TENM4: variants seen among roughly 807,000 people sequenced by gnomAD.
TENM4 encodes teneurin transmembrane protein 4.
TENM4 carries 82 observed loss-of-function variants against 243.3 expected under a neutral mutation model. That is an observed-to-expected ratio of 0.34 (90% confidence interval 0.28 to 0.40). The LOEUF (loss-of-function observed/expected upper bound fraction) is 0.40. Among genes scored for constraint, TENM4 ranks in the 10% least tolerant of loss-of-function variants. TENM4 has a pLI of 1.00. For missense variants in TENM4, 3,138 were observed against 3,673.3 expected (o/e 0.85, Z 3.77); for synonymous variants, 1,412 against 1,456.3 (o/e 0.97, Z 0.69).
At chr11:79,229,005 C>A (rs1864326494) in intron 2 of TENM4, among the ~76,000 whole-genome samples, 1 of 152,148 alleles carries the variant, frequency 6.6e-6, no homozygotes, top group Admixed American at 6.5e-5. Flanking sequence ...TTGGCTATGA[C>A]AATTTTTTAG....
At chr11:79,390,897 T>A (rs981843679) in intron 1 of TENM4, among the ~76,000 whole-genome samples, 5 of 152,240 alleles carry the variant, frequency 3.3e-5, no homozygotes, top group African/African-American at 4.8e-5. Context: ...TACAAAGAGC[T>A]GAGTATAGAG....
intron 9 of TENM4, among the ~76,000 whole-genome samples, chr11:78,883,930 C>T (rs1855490991): frequency 6.6e-6 from 1 of 152,184 alleles, no homozygotes; most frequent in Admixed American, 6.5e-5. Flanking sequence ...GGCCAGGAAG[C>T]CTGTTGGTGC....
chr11:78,965,854 T>A (rs775902636), intron 6 of TENM4, among the ~76,000 whole-genome samples: 1 of 152,198 alleles, frequency 6.6e-6, no homozygotes, highest in Non-Finnish European at 1.5e-5. Context: ...TTCCTTCCTC[T>A]TAGTCATTGG....
At chr11:79,163,103 G>C (rs1475684399) in intron 3 of TENM4, among the ~76,000 whole-genome samples, 2 of 152,118 alleles carry the variant, frequency 1.3e-5, no homozygotes, top group African/African-American at 4.8e-5. Flanking sequence ...CCAGACACCT[G>C]ACCCCACATA....
chr11:78,732,270 A>G (rs758509444), intron 21 of TENM4, 46 bp downstream of exon 21: 1 of 1,546,546 alleles, frequency 6.5e-7, no homozygotes, highest in South Asian at 1.2e-5. Context: ...TCCACCCCCA[A>G]AATGAAATAA....
intron 29 of TENM4, among the ~76,000 whole-genome samples, chr11:78,684,168 G>A (rs985592491): frequency 4.6e-5 from 7 of 152,234 alleles, no homozygotes; most frequent in Non-Finnish European, 1.0e-4. Context: ...CAATATTTGA[G>A]TGCGTGCTGT....
At chr11:78,887,929 C>T (rs1855581019) in intron 9 of TENM4, among the ~76,000 whole-genome samples, 1 of 152,210 alleles carries the variant, frequency 6.6e-6, no homozygotes, top group South Asian at 2.1e-4. Flanking sequence ...TTATGACTGC[C>T]TGTCCAGAAG....
At chr11:79,325,737 T>G (rs187268449) in intron 1 of TENM4, among the ~76,000 whole-genome samples, 1 of 152,330 alleles carries the variant, frequency 6.6e-6, no homozygotes, top group African/African-American at 2.4e-5. Flanking sequence ...TGTGATCATT[T>G]TATAATTCAC....
chr11:79,109,505 G>A (rs543297292), intron 4 of TENM4, among the ~76,000 whole-genome samples: 1 of 152,310 alleles, frequency 6.6e-6, no homozygotes, highest in Admixed American at 6.5e-5. Context: ...ATAGAAGTGA[G>A]AGGCTGGTTC....
chr11:78,904,025 A>T (rs562006272), intron 6 of TENM4: 2 of 349,830 alleles, frequency 5.7e-6, no homozygotes, highest in Non-Finnish European at 1.1e-5. Flanking sequence ...ACCGCTGATT[A>T]TATATGATGG....
chr11:78,694,648 G>T (rs376206495), intron 28 of TENM4, among the ~76,000 whole-genome samples: 2 of 152,150 alleles, frequency 1.3e-5, no homozygotes, highest in Admixed American at 6.5e-5. Context: ...CTCTGTGCTG[G>T]TTATTCTCTG....
intron 9 of TENM4, among the ~76,000 whole-genome samples, chr11:78,868,101 A>C (rs1218798754): frequency 1.3e-5 from 2 of 151,904 alleles, no homozygotes; most frequent in Non-Finnish European, 2.9e-5. Context: ...AAGCTAACAA[A>C]TATAAACGGT....
At chr11:78,700,721 G>A (rs1027456851) in intron 28 of TENM4, among the ~76,000 whole-genome samples, 5 of 152,172 alleles carry the variant, frequency 3.3e-5, no homozygotes, top group African/African-American at 1.2e-4. Context: ...GAAGAATAAA[G>A]AAATGAGCTA....
At chr11:79,311,751 T>A (rs1590871053) in intron 1 of TENM4, among the ~76,000 whole-genome samples, 1 of 152,040 alleles carries the variant, frequency 6.6e-6, no homozygotes, top group Non-Finnish European at 1.5e-5. Context: ...GTTCTGCCCA[T>A]CCCTGCCTCT....
At position 79,329,677 on chromosome 11, in the gene TENM4, C is replaced by T. The variant is rs59668261; in HGVS notation, c.-320-32134G>A. ...TCCCAGCAGGAGAAGCACAAAGCCC[C>T]GAGGCAGGAAGGTGTCAGCTTTTTC... On this transcript the variant is annotated intron_variant, in intron 1 of 33. Coordinates refer to ENST00000278550, the MANE Select transcript of TENM4 (RefSeq NM_001098816.3). Among the ~76,000 whole-genome samples, 868 of 152,174 alleles carry T rather than the reference C, an allele frequency of 5.7e-3. 10 individuals are homozygous for T. The highest frequency in any genetic ancestry group is 0.02 in the African/African-American group (812 of 41,506).
intron 6 of TENM4, among the ~76,000 whole-genome samples, chr11:79,039,097 G>A (rs1859456047): frequency 6.6e-6 from 1 of 152,204 alleles, no homozygotes; most frequent in Non-Finnish European, 1.5e-5. Flanking sequence ...AGTTCTCTTG[G>A]AACTTGGGGC....
rs151125618 is a variant in TENM4 at position 79,088,255 on chromosome 11, C to T, written c.-65-18246G>A. 3.9e-5 allele frequency among the ~76,000 whole-genome samples: 6 copies of T among 152,294 alleles called. No individual in the cohort carries two copies. The East Asian group carries it at 1.2e-3, about 29-fold the overall frequency. On this transcript the variant is annotated intron_variant, in intron 4 of 33. Transcript: ENST00000278550. ...TGATGGTATCTAGGGCCCAGCCTGGCCTCTGCTGGCCGGCAATGGTCCAGA... is the reference window on the plus strand; with the variant it reads ...TGATGGTATCTAGGGCCCAGCCTGGTCTCTGCTGGCCGGCAATGGTCCAGA...
intron 12 of TENM4, among the ~76,000 whole-genome samples, chr11:78,843,338 T>G (rs1163739981): frequency 1.3e-5 from 2 of 151,584 alleles, no homozygotes; most frequent in African/African-American, 4.9e-5. Context: ...TTTAAAAAAT[T>G]TAGTCAGGTG....
chr11:79,405,055 A>T (rs886758940), intron 1 of TENM4, among the ~76,000 whole-genome samples: 2 of 152,214 alleles, frequency 1.3e-5, no homozygotes, highest in Non-Finnish European at 2.9e-5. Context: ...TTTATGCAAC[A>T]GGCAGAGGGG....
Sources: gnomAD v4.1 joint callset for allele counts (sites outside exome capture counted in the v4.1 genomes callset) on GRCh38, gnomAD v4.1.1 for gene constraint, MANE v1.5 for transcripts, NCBI Gene and HGNC (gene_info 2026-07-23, HGNC 2026-07-21) for gene names.